Variants in PDE8B observed in about 807,000 individuals in gnomAD.
PDE8B encodes high affinity cAMP-specific and IBMX-insensitive 3',5'-cyclic phosphodiesterase 8B.
Under a neutral mutation model 101.3 loss-of-function variants are expected in PDE8B, and 26 were observed. That is an observed-to-expected ratio of 0.26 (90% confidence interval 0.19 to 0.36). The LOEUF (loss-of-function observed/expected upper bound fraction) is 0.36, where lower values mean the gene tolerates loss of function less well. Among genes scored for constraint, PDE8B ranks in the 10% least tolerant of loss-of-function variants. The probability of loss-of-function intolerance (pLI) is 1.00; values close to 1 mark genes in which losing one functional copy is unlikely to be tolerated. For synonymous variants in PDE8B, 424 were observed against 429.3 expected, an observed-to-expected ratio of 0.99 and a Z score of 0.15; for missense variants, 810 against 1,163.1, an observed-to-expected ratio of 0.70 and a Z score of 4.42.
chr5:77,273,984 G>A (rs1158733949), intron 1 of PDE8B, among the ~76,000 whole-genome samples: 11 of 151,932 alleles, frequency 7.2e-5, no homozygotes, highest in African/African-American at 2.2e-4. Flanking sequence ...CACTATGCCC[G>A]GCTAATTTTG....
At chr5:77,233,128 A>G (rs1017036017) in intron 1 of PDE8B, among the ~76,000 whole-genome samples, 8 of 151,648 alleles carry the variant, frequency 5.3e-5, no homozygotes, top group African/African-American at 1.9e-4. Flanking sequence ...TTATAAGTAA[A>G]GAGGAAGGCG....
intron 5 of PDE8B, among the ~76,000 whole-genome samples, chr5:77,335,532 GGTGTGTGTGT>G (rs35776739): frequency 0.017 from 2,542 of 145,672 alleles, 51 homozygotes; most frequent in African/African-American, 0.048. Flanking sequence ...GTATATGTGG[GGTGTGTGTGT>G]GTGTGTGTGT....
chr5:77,195,224 C>T, the PDE8B span, among the ~76,000 whole-genome samples: 4 of 152,086 alleles, frequency 2.6e-5, no homozygotes, highest in Non-Finnish European at 5.9e-5. Context: ...GGCAGAAGGG[C>T]AAGAGTACAA....
intron 6 of PDE8B, among the ~76,000 whole-genome samples, chr5:77,343,666 A>G (rs1307019707): frequency 1.3e-5 from 2 of 152,192 alleles, no homozygotes; most frequent in African/African-American, 4.8e-5. Context: ...CTCTTAGGCT[A>G]CACAAAATTC....
chr5:77,299,230 T>C (rs772497059), intron 1 of PDE8B, among the ~76,000 whole-genome samples: 2 of 148,330 alleles, frequency 1.3e-5, no homozygotes, highest in Non-Finnish European at 3.0e-5. Context: ...ATTGGGAACA[T>C]GAGAGTTGTT....
chr5:77,424,817 T>TGG (rs1797590025), intron 20 of PDE8B, among the ~76,000 whole-genome samples: 3 of 93,696 alleles, frequency 3.2e-5, no homozygotes, highest in Non-Finnish European at 7.5e-5. Flanking sequence ...TTCTGTTTTT[T>TGG]TGTTTTTTGT....
chr5:77,098,754 G>A, the PDE8B span: 4 of 152,254 alleles, frequency 2.6e-5, no homozygotes, highest in African/African-American at 7.2e-5. Flanking sequence ...TCTGGTGAGA[G>A]CCTTTTTGCA....
chr5:77,141,424 T>C, the PDE8B span: 1 of 152,222 alleles, frequency 6.6e-6, no homozygotes, highest in African/African-American at 2.4e-5. Flanking sequence ...GGCCTATTGC[T>C]AAAGGCATCT....
chr5:77,164,000 A>T, the PDE8B span, among the ~76,000 whole-genome samples: 6 of 152,228 alleles, frequency 3.9e-5, no homozygotes, highest in Non-Finnish European at 8.8e-5. Context: ...CTTCCTGGTA[A>T]ATAAATGGTG....
chr5:77,199,942 C>G, the PDE8B span, among the ~76,000 whole-genome samples: 1 of 152,174 alleles, frequency 6.6e-6, no homozygotes, highest in South Asian at 2.1e-4. Flanking sequence ...CTGCCCTGTC[C>G]TCCAGACCTC....
At chr5:77,089,087 T>G in the PDE8B span, among the ~76,000 whole-genome samples, 1 of 152,128 alleles carries the variant, frequency 6.6e-6, no homozygotes, top group African/African-American at 2.4e-5. Context: ...ACCAGTACCC[T>G]TTGTACCCTG....
the PDE8B span, chr5:77,146,083 A>G: frequency 1.3e-5 from 2 of 152,084 alleles, no homozygotes; most frequent in South Asian, 4.1e-4. Flanking sequence ...TCATTCCTTC[A>G]TTGTGCATTA....
chr5:77,140,192 G>A, the PDE8B span: 3 of 152,106 alleles, frequency 2.0e-5, no homozygotes, highest in Non-Finnish European at 4.4e-5. Context: ...TGCATGGCAT[G>A]GGCTTGGCTT....
At chr5:77,317,570 G>C (rs948158957) in intron 2 of PDE8B, among the ~76,000 whole-genome samples, 4 of 152,172 alleles carry the variant, frequency 2.6e-5, no homozygotes, top group Non-Finnish European at 5.9e-5. Flanking sequence ...GAGTTGATGT[G>C]ACCCACAGGG....
the PDE8B span, among the ~76,000 whole-genome samples, chr5:77,129,124 G>A: frequency 0.74 from 112,980 of 151,998 alleles, 42,433 homozygotes; most frequent in East Asian, 0.95. Flanking sequence ...AATTACCAAC[G>A]TTTTCCCAAC....
the PDE8B span, among the ~76,000 whole-genome samples, chr5:77,111,017 A>G: frequency 1.3e-5 from 2 of 152,240 alleles, no homozygotes; most frequent in Non-Finnish European, 2.9e-5. Flanking sequence ...GAGAAAGGGC[A>G]TCTACAAAAT....
chr5:77,137,508 T>C, the PDE8B span, among the ~76,000 whole-genome samples: 1 of 152,216 alleles, frequency 6.6e-6, no homozygotes, highest in East Asian at 1.9e-4. Context: ...GGACGCAGTT[T>C]ATTTGAACTC....
intron 1 of PDE8B, among the ~76,000 whole-genome samples, chr5:77,284,648 T>C (rs949823231): frequency 2.6e-5 from 4 of 152,162 alleles, no homozygotes; most frequent in Non-Finnish European, 5.9e-5. Context: ...CAATCATAGC[T>C]CCCTCCCTTT....
chr5:77,396,082 A>C (rs1790997313), intron 10 of PDE8B, among the ~76,000 whole-genome samples: 1 of 152,242 alleles, frequency 6.6e-6, no homozygotes, highest in East Asian at 1.9e-4. Context: ...CAGCATTTAA[A>C]ACCAAAGACA....
Sources: gnomAD v4.1 joint callset for allele counts (sites outside exome capture counted in the v4.1 genomes callset) on GRCh38, gnomAD v4.1.1 for gene constraint, MANE v1.5 for transcripts, NCBI Gene and HGNC (gene_info 2026-07-23, HGNC 2026-07-21) for gene names.